ERCC6: variants seen among roughly 807,000 people sequenced by gnomAD.
The protein encoded by ERCC6 is ERCC excision repair 6, chromatin remodeling factor.
Under a neutral mutation model 158.7 loss-of-function variants are expected in ERCC6, and 116 were observed. The ratio of observed to expected loss-of-function variants is 0.73; its 90% confidence interval spans 0.63 to 0.85. The LOEUF (loss-of-function observed/expected upper bound fraction) is 0.85, where lower values mean the gene tolerates loss of function less well. ERCC6 is among the 40% of genes least tolerant of loss of function. ERCC6 has a pLI of 0.00. For missense variants in ERCC6, 1,698 were observed against 1,799.4 expected (o/e 0.94, Z 1.02); for synonymous variants, 678 against 659.3 (o/e 1.03, Z -0.43).
intron 1 of ERCC6, among the ~76,000 whole-genome samples, chr10:49,533,585 C>T (rs189676751): frequency 1.3e-5 from 2 of 152,050 alleles, no homozygotes; most frequent in Non-Finnish European, 2.9e-5. Context: ...GGAAACACAG[C>T]GAGCTCAGGA....
At chr10:49,462,298 G>A (rs1003821283) in intron 18 of ERCC6, among the ~76,000 whole-genome samples, 6 of 152,084 alleles carry the variant, frequency 3.9e-5, no homozygotes, top group African/African-American at 1.2e-4. Context: ...TGCTACAAAC[G>A]TTGGGGCACA....
Position 49,459,106 on chromosome 10 carries a change from G to A in ERCC6, c.4191C>T (p.Asn1397=). The A allele has an allele frequency of 6.2e-7, 1 of 1,614,210 alleles. No individual in the cohort carries two copies. The highest frequency in any genetic ancestry group is 8.5e-7 in the Non-Finnish European group (1 of 1,180,034). Reference sequence around the variant, plus strand: ...CTAAACGCTCTGGCAGAATCAGGTGGTTTCTAGCTCTCATTTTAGCCAAGA... The same window carrying A: ...CTAAACGCTCTGGCAGAATCAGGTGATTTCTAGCTCTCATTTTAGCCAAGA... ...SSLLAKMRAR[N]HLILPERLES... is the part of the protein sequence containing the mutation. The change falls in exon 21 of 21, where the codon AAC becomes AAT. Residue 1397 remains asparagine (N), a synonymous_variant. Coordinates refer to ENST00000355832, the MANE Select transcript of ERCC6 (RefSeq NM_000124.4).
intron 6 of ERCC6, chr10:49,501,691 A>C (rs918164469): frequency 6.6e-6 from 1 of 152,176 alleles, no homozygotes; most frequent in African/African-American, 2.4e-5. Flanking sequence ...GAGGTGGCTC[A>C]TGCCTGTAAA....
the ERCC6 span, among the ~76,000 whole-genome samples, chr10:49,439,619 C>A: frequency 1.3e-5 from 2 of 152,356 alleles, no homozygotes; most frequent in South Asian, 4.1e-4. Context: ...CAAATTTCTA[C>A]AGCCGACTTG....
chr10:49,481,505 A>T (rs1850979194), intron 10 of ERCC6, among the ~76,000 whole-genome samples: 2 of 152,216 alleles, frequency 1.3e-5, no homozygotes. Context: ...ATACTCCAAA[A>T]TACGAGAGCT....
At chr10:49,491,452 G>A (rs1307732779) in intron 8 of ERCC6, among the ~76,000 whole-genome samples, 1 of 152,144 alleles carries the variant, frequency 6.6e-6, no homozygotes, top group African/African-American at 2.4e-5. Context: ...TTGGTAAACT[G>A]TAAAACACTG....
chr10:49,535,124 T>G (rs1010603909), intron 1 of ERCC6, among the ~76,000 whole-genome samples: 2 of 152,008 alleles, frequency 1.3e-5, no homozygotes, highest in African/African-American at 2.4e-5. Context: ...GGAAGTGAGG[T>G]TCAGAGCTAA....
intron 1 of ERCC6, among the ~76,000 whole-genome samples, chr10:49,536,856 T>C (rs189911662): frequency 3.3e-5 from 5 of 152,204 alleles, no homozygotes; most frequent in Admixed American, 2.0e-4. Flanking sequence ...CTGAAGCAAC[T>C]GACTTCAGGG....
At position 49,458,950 on chromosome 10, in the gene ERCC6, C is replaced by T. The variant is rs1431181151; in HGVS notation, c.4347G>A (p.Glu1449=). 6.2e-7 allele frequency: 1 copy of T among 1,614,212 alleles called. No individual in the cohort carries two copies. Among genetic ancestry groups the T allele is most frequent in the East Asian group, 2.2e-5 (1 of 44,878 alleles). ...AHTDGQASTR[E]ILQEFESKLS... ...ACTTGGATTCAAACTCCTGCAGTATCTCCCTGGTGCTGGCCTGGCCATCAG... is the reference window on the plus strand; with the variant it reads ...ACTTGGATTCAAACTCCTGCAGTATTTCCCTGGTGCTGGCCTGGCCATCAG... Residue 1449 remains glutamate, a synonymous_variant, in exon 21 of 21, where the codon GAG becomes GAA. Transcript: ENST00000355832.
chr10:49,441,214 C>G, the ERCC6 span, among the ~76,000 whole-genome samples: 1 of 152,228 alleles, frequency 6.6e-6, no homozygotes, highest in Non-Finnish European at 1.5e-5. Flanking sequence ...ATTCCTGATA[C>G]TGGGTACAAG....
chr10:49,525,045 G>C (rs745608661), intron 4 of ERCC6: 4 of 682,456 alleles, frequency 5.9e-6, no homozygotes, highest in Non-Finnish European at 9.0e-6. Context: ...GCCATCCAAA[G>C]ATAGGCTTAT....
the ERCC6 span, among the ~76,000 whole-genome samples, chr10:49,446,683 C>CAA: frequency 6.6e-6 from 1 of 152,030 alleles, no homozygotes; most frequent in Non-Finnish European, 1.5e-5. Flanking sequence ...GAGGCTGAGG[C>CAA]GGGAGGATCA....
intron 10 of ERCC6, among the ~76,000 whole-genome samples, chr10:49,478,928 G>A (rs1850927382): frequency 6.6e-6 from 1 of 152,050 alleles, no homozygotes; most frequent in South Asian, 2.1e-4. Context: ...CTAACTCTGG[G>A]GAAAAGCTAC....
the ERCC6 span, among the ~76,000 whole-genome samples, chr10:49,443,501 T>G: frequency 2.4e-4 from 36 of 152,276 alleles, no homozygotes; most frequent in African/African-American, 8.7e-4. Flanking sequence ...GTGCAATATA[T>G]TATGTGTTTA....
intron 18 of ERCC6, among the ~76,000 whole-genome samples, chr10:49,467,450 T>C (rs1204139815): frequency 6.6e-6 from 1 of 152,232 alleles, no homozygotes; most frequent in African/African-American, 2.4e-5. Context: ...ATGGTTCTAA[T>C]TGGCATTTCC....
intron 1 of ERCC6, among the ~76,000 whole-genome samples, chr10:49,538,319 C>G (rs1489261499): frequency 6.6e-6 from 1 of 152,202 alleles, no homozygotes; most frequent in South Asian, 2.1e-4. Flanking sequence ...GGATTCCACT[C>G]CCAGTGCAAT....
intron 19 of ERCC6, among the ~76,000 whole-genome samples, chr10:49,460,941 A>G (rs1850571028): frequency 6.6e-6 from 1 of 152,218 alleles, no homozygotes; most frequent in Non-Finnish European, 1.5e-5. Flanking sequence ...AGAACCACTC[A>G]GTATCTTGTT....
chr10:49,474,563 T>C (rs1240540895), intron 12 of ERCC6, among the ~76,000 whole-genome samples: 3 of 152,140 alleles, frequency 2.0e-5, no homozygotes, highest in African/African-American at 7.2e-5. Context: ...AAACCTAATA[T>C]AAAAAAGGAA....
At chr10:49,477,978 C>G (rs1231265481) in intron 11 of ERCC6, among the ~76,000 whole-genome samples, 2 of 152,212 alleles carry the variant, frequency 1.3e-5, no homozygotes, top group East Asian at 3.8e-4. Context: ...TTTTGTGACA[C>G]TCTCCCTCAA....
Sources: allele counts gnomAD v4.1 joint callset (sites outside exome capture counted in the v4.1 genomes callset), GRCh38; gene constraint gnomAD v4.1.1; transcripts MANE v1.5; gene names NCBI Gene and HGNC (gene_info 2026-07-23, HGNC 2026-07-21).